Variants in GUCY1A2 observed in about 807,000 individuals in gnomAD.
GUCY1A2 encodes guanylate cyclase soluble subunit alpha-2.
A neutral mutation model predicts 63.5 loss-of-function variants in GUCY1A2; 27 were observed. That is an observed-to-expected ratio of 0.43 (90% CI 0.31 to 0.59). The LOEUF (loss-of-function observed/expected upper bound fraction) is 0.59, where lower values mean the gene tolerates loss of function less well. GUCY1A2 is among the 20% of genes least tolerant of loss of function. The probability of loss-of-function intolerance (pLI) is 0.11; values close to 1 mark genes in which losing one functional copy is unlikely to be tolerated. For missense variants in GUCY1A2, 768 were observed against 913.3 expected (o/e 0.84, Z 2.05); for synonymous variants, 364 against 343.5 (o/e 1.06, Z -0.66).
intron 4 of GUCY1A2, among the ~76,000 whole-genome samples, chr11:106,858,105 CTTCAA>C (rs1859461764): frequency 6.6e-6 from 1 of 152,132 alleles, no homozygotes; most frequent in African/African-American, 2.4e-5. Context: ...AAAGCTTTCA[CTTCAA>C]TTCATCATCA....
At position 106,901,966 on chromosome 11, in the gene GUCY1A2, T is replaced by A. The variant is rs1228782685; in HGVS notation, c.1206+37494A>T. ...AACATGTATATTTATTGCGGCTTTATTCCAGAAGGTTTTCAATTTACTTTG... is the reference window on the plus strand; with the variant it reads ...AACATGTATATTTATTGCGGCTTTAATCCAGAAGGTTTTCAATTTACTTTG... On this transcript the variant is annotated intron_variant, in intron 4 of 7. Transcript: ENST00000526355. Among the ~76,000 whole-genome samples, 4 of 152,214 alleles carry A rather than the reference T, an allele frequency of 2.6e-5. No homozygotes were observed. In the East Asian group the frequency reaches 7.7e-4, roughly 29 times the overall value.
intron 4 of GUCY1A2, among the ~76,000 whole-genome samples, chr11:106,862,245 C>A (rs142459698): frequency 2.0e-5 from 3 of 152,006 alleles, no homozygotes; most frequent in African/African-American, 7.2e-5. Flanking sequence ...TCACTGACCT[C>A]AAACAAGTTC....
chr11:106,839,864 TG>T (rs1421142489), intron 4 of GUCY1A2, among the ~76,000 whole-genome samples: 3 of 41,724 alleles, frequency 7.2e-5, no homozygotes, highest in African/African-American at 1.0e-4. Flanking sequence ...TGTTGTGGGG[TG>T]GGGGGAGGGG....
chr11:106,949,801 T>C (rs1860880725), intron 3 of GUCY1A2, among the ~76,000 whole-genome samples: 2 of 152,136 alleles, frequency 1.3e-5, no homozygotes, highest in Non-Finnish European at 2.9e-5. Flanking sequence ...AAAGACAAAC[T>C]ATGGAGTTTT....
At chr11:106,829,392 T>C (rs1859021303) in intron 4 of GUCY1A2, among the ~76,000 whole-genome samples, 1 of 152,146 alleles carries the variant, frequency 6.6e-6, no homozygotes, top group Non-Finnish European at 1.5e-5. Flanking sequence ...AAACTAAAAA[T>C]GGCCTGACTT....
intron 3 of GUCY1A2, among the ~76,000 whole-genome samples, chr11:106,973,710 G>C (rs1057001110): frequency 8.5e-5 from 13 of 152,094 alleles, no homozygotes; most frequent in Admixed American, 5.9e-4. Context: ...TGCCTCTGTG[G>C]CTTGTTAACT....
At chr11:106,710,124 ATAGT>A (rs1227995708) in intron 6 of GUCY1A2, among the ~76,000 whole-genome samples, 2 of 113,794 alleles carry the variant, frequency 1.8e-5, no homozygotes, top group African/African-American at 3.6e-5. Flanking sequence ...TGTATATAAT[ATAGT>A]TATATATATA....
At chr11:106,789,736 G>T (rs560107583) in intron 5 of GUCY1A2, among the ~76,000 whole-genome samples, 5 of 152,280 alleles carry the variant, frequency 3.3e-5, no homozygotes, top group Admixed American at 6.5e-5. Flanking sequence ...GCCCAGTAAT[G>T]CTGTGGTTTT....
intron 6 of GUCY1A2, among the ~76,000 whole-genome samples, chr11:106,738,281 C>T (rs1172810368): frequency 6.6e-6 from 1 of 152,162 alleles, no homozygotes; most frequent in African/African-American, 2.4e-5. Flanking sequence ...TTTGTAGAAT[C>T]TGGGTATTAG....
rs529991982 is a variant in GUCY1A2 at position 106,832,508 on chromosome 11, A to G, written c.1207-22030T>C. 2.6e-5 allele frequency among the ~76,000 whole-genome samples: 4 copies of G among 152,284 alleles called. No homozygotes were observed. The South Asian group carries it at 8.3e-4, about 32-fold the overall frequency. ...ATGATGTGTCCAGGGTCTACGGCTC[A>G]GGAAACAGAGGTGCAGGACTAGGAT... On this transcript the variant is annotated intron_variant, in intron 4 of 7. Transcript: ENST00000526355.
chr11:106,899,472 T>C (rs1029893375), intron 4 of GUCY1A2, among the ~76,000 whole-genome samples: 14 of 152,190 alleles, frequency 9.2e-5, no homozygotes, highest in African/African-American at 2.4e-4. Context: ...GTGAATTTCA[T>C]GTATTGTAAA....
At chr11:106,708,474 A>T in intron 7 of GUCY1A2, 38 bp downstream of exon 7, 1 of 1,563,968 alleles carries the variant, frequency 6.4e-7, no homozygotes, top group Non-Finnish European at 8.7e-7. Context: ...CCCAAAACAA[A>T]GGCCAAGACA....
intron 5 of GUCY1A2, among the ~76,000 whole-genome samples, chr11:106,781,848 A>G (rs560700056): frequency 3.3e-5 from 5 of 152,200 alleles, no homozygotes; most frequent in African/African-American, 1.2e-4. Context: ...GATTACAGGC[A>G]TAAGCCACCA....
intron 4 of GUCY1A2, among the ~76,000 whole-genome samples, chr11:106,874,713 ACT>A (rs915069276): frequency 1.3e-5 from 2 of 151,782 alleles, no homozygotes; most frequent in African/African-American, 4.8e-5. Context: ...CAACAGAACT[ACT>A]CTCTCTGCCT....
intron 5 of GUCY1A2, among the ~76,000 whole-genome samples, chr11:106,809,696 A>C (rs1858737959): frequency 6.6e-6 from 1 of 152,114 alleles, no homozygotes; most frequent in Non-Finnish European, 1.5e-5. Context: ...TGTGGTAAAA[A>C]GTTACCTAGA....
rs565596011 is a variant in GUCY1A2 at position 106,701,282 on chromosome 11, C to T, written c.1991+7230G>A. On this transcript the variant is annotated intron_variant, in intron 7 of 7. Coordinates refer to ENST00000526355, the MANE Select transcript of GUCY1A2 (RefSeq NM_000855.3). The stretch of plus-strand genomic sequence containing the variant: ...ACTTGCCACAAGTTTGTCCCATATA[C>T]TCATGTTCATTTCAGAGCTAGAGAC... Among the ~76,000 whole-genome samples the T allele has an allele frequency of 2.6e-5, 4 of 151,990 alleles. No individual in the cohort carries two copies. The East Asian group carries it at 7.8e-4, about 29-fold the overall frequency.
intron 4 of GUCY1A2, among the ~76,000 whole-genome samples, chr11:106,880,613 C>T (rs1859810653): frequency 6.6e-6 from 1 of 151,966 alleles, no homozygotes; most frequent in Non-Finnish European, 1.5e-5. Flanking sequence ...TAGTATTATC[C>T]AAACTTTCTT....
At chr11:106,691,728 A>G (rs191444390) in intron 7 of GUCY1A2, among the ~76,000 whole-genome samples, 1 of 152,324 alleles carries the variant, frequency 6.6e-6, no homozygotes, top group Admixed American at 6.5e-5. Context: ...CAGAGACAAC[A>G]GTTTTTATGA....
At chr11:106,948,675 T>C (rs1419615944) in intron 3 of GUCY1A2, among the ~76,000 whole-genome samples, 2 of 152,124 alleles carry the variant, frequency 1.3e-5, no homozygotes, top group African/African-American at 4.8e-5. Context: ...CTGTGAGATA[T>C]GAAAATAAAA....
Sources: allele counts gnomAD v4.1 joint callset (sites outside exome capture counted in the v4.1 genomes callset), GRCh38; gene constraint gnomAD v4.1.1; transcripts MANE v1.5; gene names NCBI Gene and HGNC (gene_info 2026-07-23, HGNC 2026-07-21).